SSBP4: variants seen among roughly 807,000 people sequenced by gnomAD.
The protein encoded by SSBP4 is single stranded DNA binding protein 4.
SSBP4 carries 33 observed loss-of-function variants against 64.6 expected under a neutral mutation model. That is an observed-to-expected ratio of 0.51 (90% CI 0.39 to 0.68). The LOEUF is 0.68. Ranked by LOEUF, SSBP4 falls within the 30% of genes least tolerant of loss-of-function variation. The probability of loss-of-function intolerance (pLI) is 0.00; values close to 1 mark genes in which losing one functional copy is unlikely to be tolerated. For missense variants in SSBP4, 583 were observed against 566.8 expected (o/e 1.03, Z -0.29); for synonymous variants, 243 against 224.0 (o/e 1.08, Z -0.76).
intron 1 of SSBP4, among the ~76,000 whole-genome samples, chr19:18,422,458 G>T (rs1336709524): frequency 6.6e-6 from 1 of 152,190 alleles, no homozygotes; most frequent in African/African-American, 2.4e-5. Flanking sequence ...AGAGGGTCTC[G>T]TATAAGTGTT....
At chr19:18,432,288 C>A (rs991029391) in intron 10 of SSBP4, 74 bp downstream of exon 10, 45 of 1,567,506 alleles carry the variant, frequency 2.9e-5, no homozygotes, top group Non-Finnish European at 3.9e-5. Flanking sequence ...TCAGCTGGGG[C>A]AGGTCCTGAA....
chr19:18,432,493 G>T lies in SSBP4; in HGVS notation c.705-66G>T, dbSNP rs1891082228. The T allele has an allele frequency of 5.3e-6, 8 of 1,515,256 alleles. No individual in the cohort carries two copies. The South Asian group carries it at 9.0e-5, about 17-fold the overall frequency. The allele number at this position is 1,515,256 out of a possible 1,614,324, so 93.9% of individuals were successfully genotyped here. On this transcript the variant is annotated intron_variant, in intron 10 of 17. Coordinates refer to ENST00000270061, the MANE Select transcript of SSBP4 (RefSeq NM_032627.5). ...GATACAGTGGAGCAGGGTGTGGGGG[G>T]TGTGTGGTGAGGGCTGTGATCCACA...
At chr19:18,416,995 C>G (rs1174097731), upstream of SSBP4, among the ~76,000 whole-genome samples, 1 of 152,170 alleles carries the variant, frequency 6.6e-6, no homozygotes, top group Non-Finnish European at 1.5e-5. Flanking sequence ...ATGAGAACCG[C>G]GCTCCTCGCT....
intron 1 of SSBP4, among the ~76,000 whole-genome samples, chr19:18,424,147 A>G (rs1384787376): frequency 1.3e-5 from 2 of 152,180 alleles, no homozygotes. Flanking sequence ...GCAAAACCGA[A>G]AACTTCCTTT....
At chr19:18,432,758 C>T (rs777000858) in intron 12 of SSBP4, 23 bp downstream of exon 12, 9 of 1,608,922 alleles carry the variant, frequency 5.6e-6, no homozygotes, top group Non-Finnish European at 7.7e-6. Context: ...AAAGCTGGGT[C>T]ACCCCTGGGC....
At chr19:18,433,268 T>A in intron 15 of SSBP4, 55 bp downstream of exon 15, 1 of 1,528,754 alleles carries the variant, frequency 6.5e-7, no homozygotes, top group South Asian at 1.2e-5. Flanking sequence ...GTGCGCTCCC[T>A]GGCTGCTTCC....
intron 1 of SSBP4, among the ~76,000 whole-genome samples, chr19:18,422,300 G>C (rs1972519694): frequency 6.6e-6 from 1 of 152,158 alleles, no homozygotes; most frequent in African/African-American, 2.4e-5. Flanking sequence ...TTCCCATACT[G>C]TCCTCCCACT....
intron 1 of SSBP4, among the ~76,000 whole-genome samples, chr19:18,421,345 A>G (rs987447476): frequency 6.6e-6 from 1 of 152,192 alleles, no homozygotes; most frequent in Non-Finnish European, 1.5e-5. Flanking sequence ...GCTCCTGCTC[A>G]GGTCGGAAGC....
chr19:18,409,992 T>C, the SSBP4 span, among the ~76,000 whole-genome samples: 5 of 151,708 alleles, frequency 3.3e-5, no homozygotes, highest in African/African-American at 1.2e-4. Context: ...ACACCACACC[T>C]GGCTAATTTT....
chr19:18,428,641 G>A (rs538629044), intron 4 of SSBP4, among the ~76,000 whole-genome samples: 5 of 152,288 alleles, frequency 3.3e-5, no homozygotes, highest in Admixed American at 2.6e-4. Flanking sequence ...CTGAGGGGGA[G>A]GTGCCGGCTC....
rs1187125193 is a variant in SSBP4 at position 18,426,933 on chromosome 19, C to T, written c.60-418C>T. On this transcript the variant is annotated intron_variant, in intron 1 of 17. Transcript: ENST00000270061. This position sits in a 1 kb window ranked among gnomAD's most constrained non-coding sequence, Gnocchi z 4.5. The stretch of plus-strand genomic sequence containing the variant: ...GGGATGTGGGGTGGAGGACCCCTTC[C>T]CTCCTTCCTTCCTGGGCCGGGGAGG... Among the ~76,000 whole-genome samples the T allele has an allele frequency of 6.6e-6, 1 of 152,066 alleles. No individual in the cohort carries two copies. Among genetic ancestry groups the T allele is most frequent in the Non-Finnish European group, 1.5e-5 (1 of 67,980 alleles).
chr19:18,418,083 G>T (rs1356209207), upstream of SSBP4, among the ~76,000 whole-genome samples: 2 of 152,130 alleles, frequency 1.3e-5, no homozygotes, highest in African/African-American at 2.4e-5. The surrounding 1 kb of genome is among the most constrained non-coding windows in gnomAD (Gnocchi z 6.7). Flanking sequence ...ACTTGTGCAC[G>T]CAACCTCACT....
At chr19:18,416,279 T>C (rs1682839321), upstream of SSBP4, among the ~76,000 whole-genome samples, 1 of 152,134 alleles carries the variant, frequency 6.6e-6, no homozygotes, top group Admixed American at 6.5e-5. Context: ...CCTCCCAAAG[T>C]GCTGGGATTA....
Position 18,432,443 on chromosome 19 carries a change from T to G in SSBP4, c.705-116T>G, listed in dbSNP as rs901099420. 2.1e-5 allele frequency: 31 copies of G among 1,444,720 alleles called. No homozygotes were observed. In the Admixed American group the frequency reaches 3.0e-4, roughly 14 times the overall value. The allele number at this position is 1,444,720 out of a possible 1,614,324, so 89.5% of individuals were successfully genotyped here. A position where few individuals can be genotyped will look rare whatever the true frequency, so the allele number is the denominator to read the frequency against. On this transcript the variant is annotated intron_variant, in intron 10 of 17. Transcript: ENST00000270061. ...CATGGTGGCCACTTTTCCAGCAACA[T>G]CTGCTGCTCTGTGGTCGGTCTGGGG...
At chr19:18,420,618 G>C (rs1280003095) in intron 1 of SSBP4, among the ~76,000 whole-genome samples, 4 of 152,098 alleles carry the variant, frequency 2.6e-5, no homozygotes, top group African/African-American at 7.2e-5. Context: ...CCAGCACTTT[G>C]GGAGGCCGAG....
the SSBP4 span, among the ~76,000 whole-genome samples, chr19:18,412,244 T>C: frequency 5.3e-5 from 8 of 151,718 alleles, no homozygotes; most frequent in African/African-American, 1.7e-4. Context: ...GGGTGGACCA[T>C]CAGGTCAGGA....
chr19:18,433,343 C>T (rs1029416200), intron 15 of SSBP4, 130 bp downstream of exon 15: 21 of 1,336,160 alleles, frequency 1.6e-5, no homozygotes, highest in African/African-American at 2.9e-5. Flanking sequence ...CCGGGGGCCG[C>T]TCAGTGACAG....
Position 18,427,761 on chromosome 19 carries a change from G to A in SSBP4, c.142G>A (p.Glu48Lys), listed in dbSNP as rs764048006. ...CTTCCTTTCCCTGCAGATCCGATGGGAGAAGAACATCACGCTGGGGGAGCC... is the reference window on the plus strand; with the variant it reads ...CTTCCTTTCCCTGCAGATCCGATGGAAGAAGAACATCACGCTGGGGGAGCC... ...AQTFLSEIRW[E>K]KNITLGEPPG... Residue 48 changes from glutamate (E) to lysine (K), a missense_variant, in exon 3 of 18, where the codon GAG becomes AAG. Physicochemically the swap from Glu to Lys is moderately conservative, Grantham distance 56 (BLOSUM62 1). Around this residue, in one of 5 missense-constraint regions of SSBP4, gnomAD observed 43 missense variants for 74.2 expected, o/e 0.58. Coordinates refer to ENST00000270061, the MANE Select transcript of SSBP4 (RefSeq NM_032627.5). The surrounding 1 kb of genome is among the most constrained non-coding windows in gnomAD (Gnocchi z 4.4). 1 of 1,598,410 alleles carries A rather than the reference G, an allele frequency of 6.3e-7. No homozygotes were observed.
Position 18,433,980 on chromosome 19 carries a change from A to AC in SSBP4, c.1128+169dup, listed in dbSNP as rs1382209590. The AC allele has an allele frequency of 4.1e-5, 28 of 687,330 alleles. No individual in the cohort carries two copies. In the African/African-American group the frequency reaches 6.0e-4, roughly 15 times the overall value. 42.6% of individuals were successfully genotyped at this position (687,330 alleles called of 1,614,324 possible). On this transcript the variant is annotated intron_variant, in intron 17 of 17. Coordinates refer to ENST00000270061, the MANE Select transcript of SSBP4 (RefSeq NM_032627.5). ...CTTTCCCTCTCCTCAACCTCTCCCC[A>AC]CCCCCCACCACCTCCCGCTCCTATT... is the stretch of plus-strand genomic sequence containing the variant.
Sources: allele counts gnomAD v4.1 joint callset (sites outside exome capture counted in the v4.1 genomes callset), GRCh38; gene constraint gnomAD v4.1.1; regional missense constraint gnomAD v4.1.1; non-coding constraint Gnocchi (gnomAD v3.1); transcripts MANE v1.5; gene names NCBI Gene and HGNC (gene_info 2026-07-23, HGNC 2026-07-21).